DLC1: variants seen among roughly 807,000 people sequenced by gnomAD.
DLC1 encodes DLC1 Rho GTPase activating protein.
Under a neutral mutation model 140.3 loss-of-function variants are expected in DLC1, and 54 were observed. The ratio of observed to expected loss-of-function variants is 0.38; its 90% CI spans 0.31 to 0.48. The LOEUF is 0.48. Ranked by LOEUF, DLC1 falls within the 20% of genes least tolerant of loss-of-function variation. The pLI is 0.96. For synonymous variants in DLC1, 986 were observed against 728.1 expected (o/e 1.35, Z -5.70); for missense variants, 2,536 against 1,907.0 (o/e 1.33, Z -6.14).
At chr8:13,496,777 G>C (rs1801523589) in intron 2 of DLC1, among the ~76,000 whole-genome samples, 1 of 127,480 alleles carries the variant, frequency 7.8e-6, no homozygotes, top group African/African-American at 2.9e-5. Flanking sequence ...CAAATTCTTA[G>C]ACCATTTCCT....
At chr8:13,528,682 C>G (rs527652862) in intron 1 of DLC1, among the ~76,000 whole-genome samples, 4 of 152,020 alleles carry the variant, frequency 2.6e-5, no homozygotes, top group Non-Finnish European at 4.4e-5. Context: ...TTATTTGGGG[C>G]CTTGCTGAGC....
At position 13,579,361 on chromosome 8, in the gene DLC1, ATTTT is replaced by A. The variant is rs60996497; in HGVS notation, c.-126+25172_-126+25175del. Among the ~76,000 whole-genome samples, 107 of 25,444 alleles carry A rather than the reference ATTTT, an allele frequency of 4.2e-3. 15 individuals are homozygous for A. The highest frequency in any genetic ancestry group is 6.8e-3 in the African/African-American group (31 of 4,564). The allele number at this position is 25,444 out of a possible 152,430, so 16.7% of individuals were successfully genotyped here. ...TATATATATATATATATATATATATATTTTTATATAATACATATTTATATATTAT... is the reference window on the plus strand; with the variant it reads ...TATATATATATATATATATATATATATATATAATACATATTTATATATTAT... On this transcript the variant is annotated intron_variant, in intron 1 of 1. Coordinates refer to the DLC1 transcript ENST00000631382.
chr8:13,221,188 C>T (rs1337338195), intron 5 of DLC1, among the ~76,000 whole-genome samples: 1 of 152,082 alleles, frequency 6.6e-6, no homozygotes, highest in Non-Finnish European at 1.5e-5. Flanking sequence ...CTGGGTGTCA[C>T]CACCGCATTC....
At chr8:13,427,221 T>C (rs1838632476) in intron 2 of DLC1, among the ~76,000 whole-genome samples, 2 of 152,202 alleles carry the variant, frequency 1.3e-5, no homozygotes, top group African/African-American at 4.8e-5. Flanking sequence ...TCCCAAACTG[T>C]CATTGACTAT....
At chr8:13,187,581 C>T (rs765669155) in intron 5 of DLC1, among the ~76,000 whole-genome samples, 18 of 151,972 alleles carry the variant, frequency 1.2e-4, no homozygotes, top group South Asian at 2.1e-4. Flanking sequence ...ATAGAGGAGA[C>T]GCAGAGAAAG....
intron 2 of DLC1, among the ~76,000 whole-genome samples, chr8:13,451,596 C>T (rs1384110059): frequency 6.6e-6 from 1 of 152,094 alleles, no homozygotes; most frequent in Admixed American, 6.5e-5. Flanking sequence ...TCAGATCTGA[C>T]AAATAAGTGA....
At chr8:13,316,548 T>G (rs535833060) in intron 4 of DLC1, among the ~76,000 whole-genome samples, 8 of 152,226 alleles carry the variant, frequency 5.3e-5, no homozygotes, top group Non-Finnish European at 1.2e-4. Flanking sequence ...TTATTCCTCT[T>G]GGCTTCCAGG....
Position 13,099,712 on chromosome 8 carries a change from G to A in DLC1, c.2625C>T (p.Arg875=), listed in dbSNP as rs150030670. 1.2e-5 allele frequency: 20 copies of A among 1,614,170 alleles called. No individual in the cohort carries two copies. In the South Asian group the frequency reaches 1.8e-4, roughly 14 times the overall value. The change falls in exon 9 of 18, where the codon CGC becomes CGT. Residue 875 remains arginine, a synonymous_variant. Coordinates refer to ENST00000276297, the MANE Select transcript of DLC1 (RefSeq NM_182643.3). ...CCGGCACGTTGTCGTAGATGCTCAGGCGGCTGCTCATGGAGCTGGAAGAAT... is the reference window on the plus strand; with the variant it reads ...CCGGCACGTTGTCGTAGATGCTCAGACGGCTGCTCATGGAGCTGGAAGAAT... The part of the protein sequence containing the change: ...RRNSSSSMSS[R]LSIYDNVPGS...
intron 5 of DLC1, among the ~76,000 whole-genome samples, chr8:13,153,805 C>G (rs550071834): frequency 3.9e-5 from 6 of 151,910 alleles, no homozygotes; most frequent in African/African-American, 1.4e-4. Flanking sequence ...AATCCCTGAG[C>G]TACACAGAGT....
intron 1 of DLC1, among the ~76,000 whole-genome samples, chr8:13,547,517 C>G (rs1014518726): frequency 6.6e-6 from 1 of 152,044 alleles, no homozygotes; most frequent in Admixed American, 6.6e-5. Flanking sequence ...GATAATGATT[C>G]TCTACATTTC....
intron 5 of DLC1, among the ~76,000 whole-genome samples, chr8:13,291,370 A>G (rs1036868706): frequency 6.6e-6 from 1 of 152,230 alleles, no homozygotes; most frequent in Non-Finnish European, 1.5e-5. Flanking sequence ...TTAATTATAT[A>G]TGATTTCAGT....
chr8:13,308,221 CCATATTT>C (rs774518625), intron 4 of DLC1, among the ~76,000 whole-genome samples: 14 of 152,166 alleles, frequency 9.2e-5, no homozygotes, highest in African/African-American at 4.8e-5. Context: ...TGGCCAATGT[CCATATTT>C]CATGTAGCCA....
intron 2 of DLC1, among the ~76,000 whole-genome samples, chr8:13,485,260 G>C (rs1800915064): frequency 1.3e-5 from 2 of 152,288 alleles, no homozygotes; most frequent in African/African-American, 4.8e-5. Context: ...GAAAACCATA[G>C]TGTAGCCATC....
At chr8:13,146,558 GTCATA>G (rs1478406325) in intron 5 of DLC1, among the ~76,000 whole-genome samples, 12 of 151,570 alleles carry the variant, frequency 7.9e-5, no homozygotes, top group African/African-American at 2.9e-4. Context: ...AATAATAGTA[GTCATA>G]GTAATTTGAT....
At chr8:13,487,630 A>G (rs1024065369) in intron 2 of DLC1, among the ~76,000 whole-genome samples, 7 of 151,492 alleles carry the variant, frequency 4.6e-5, no homozygotes, top group African/African-American at 7.3e-5. Flanking sequence ...CTGGAGTGCA[A>G]TGGCGTGAGT....
intron 1 of DLC1, among the ~76,000 whole-genome samples, chr8:13,549,120 G>T (rs78436078): frequency 6.6e-6 from 1 of 151,942 alleles, no homozygotes; most frequent in Non-Finnish European, 1.5e-5. Context: ...TTACTCTGGG[G>T]CTGGCAAAAA....
chr8:13,523,341 G>A (rs1266141456), intron 1 of DLC1, among the ~76,000 whole-genome samples: 1 of 152,110 alleles, frequency 6.6e-6, no homozygotes, highest in Non-Finnish European at 1.5e-5. Context: ...TGCTTTATGA[G>A]CAACTGAAAG....
At chr8:13,602,785 C>A (rs917333801) in intron 1 of DLC1, among the ~76,000 whole-genome samples, 1 of 151,686 alleles carries the variant, frequency 6.6e-6, no homozygotes, top group South Asian at 2.1e-4. Flanking sequence ...AGAGTTTTGG[C>A]TTTTTGTATT....
At chr8:13,531,000 G>A (rs957233640) in intron 1 of DLC1, among the ~76,000 whole-genome samples, 1 of 152,134 alleles carries the variant, frequency 6.6e-6, no homozygotes, top group East Asian at 1.9e-4. Flanking sequence ...ATTGAAATGA[G>A]TTAGGAAAGA....
Sources: allele counts gnomAD v4.1 joint callset (sites outside exome capture counted in the v4.1 genomes callset), GRCh38; gene constraint gnomAD v4.1.1; transcripts MANE v1.5; gene names NCBI Gene and HGNC (gene_info 2026-07-23, HGNC 2026-07-21).